Variants in MRPL13 observed in about 807,000 individuals in gnomAD.
The protein encoded by MRPL13 is large ribosomal subunit protein uL13m.
Under a neutral mutation model 29.0 loss-of-function variants are expected in MRPL13, and 33 were observed. That is an observed-to-expected ratio of 1.14 (90% confidence interval 0.86 to 1.52). The LOEUF (loss-of-function observed/expected upper bound fraction) is 1.52. Ranked by LOEUF, MRPL13 falls within the 40% of genes most tolerant of loss-of-function variation. MRPL13 has a pLI of 0.00. For synonymous variants in MRPL13, 77 were observed against 68.4 expected (o/e 1.13, Z -0.62); for missense variants, 227 against 216.7 (o/e 1.05, Z -0.30).
Position 120,424,186 on chromosome 8 carries a change from G to A in MRPL13, c.306+1120C>T, listed in dbSNP as rs375095400. On this transcript the variant is annotated intron_variant, in intron 4 of 6. Coordinates refer to ENST00000306185, the MANE Select transcript of MRPL13 (RefSeq NM_014078.6). The stretch of plus-strand genomic sequence containing the variant: ...TAATGTCAGAACAAATAGACCTCAA[G>A]GTAAAAAGCATTATTGGAGATTAAG... 7.2e-5 allele frequency among the ~76,000 whole-genome samples: 11 copies of A among 152,182 alleles called. No individual in the cohort carries two copies. The South Asian group carries it at 1.2e-3, about 17-fold the overall frequency.
At chr8:120,434,555 C>T (rs1813031521) in intron 2 of MRPL13, among the ~76,000 whole-genome samples, 1 of 151,994 alleles carries the variant, frequency 6.6e-6, no homozygotes, top group South Asian at 2.1e-4. Context: ...AACCAGATGG[C>T]AAAAAGTGGT....
chr8:120,434,444 G>A (rs1813030506), intron 2 of MRPL13, among the ~76,000 whole-genome samples: 1 of 152,004 alleles, frequency 6.6e-6, no homozygotes, highest in Non-Finnish European at 1.5e-5. Context: ...CAGAGTCAGA[G>A]GTTCAACTCA....
intron 5 of MRPL13, 74 bp downstream of exon 5, chr8:120,419,778 T>C (rs1586922581): frequency 8.7e-7 from 1 of 1,155,004 alleles, no homozygotes; most frequent in Non-Finnish European, 1.2e-6. Flanking sequence ...GTCTGTGGCA[T>C]TTATTTAAAA....
At chr8:120,429,921 G>T (rs1439876801) in intron 3 of MRPL13, among the ~76,000 whole-genome samples, 1 of 152,070 alleles carries the variant, frequency 6.6e-6, no homozygotes, top group African/African-American at 2.4e-5. Context: ...AGGGAATAAT[G>T]ACAAGAAAAA....
At chr8:120,441,662 TA>T (rs1173240221) in intron 2 of MRPL13, among the ~76,000 whole-genome samples, 3 of 152,182 alleles carry the variant, frequency 2.0e-5, no homozygotes, top group African/African-American at 7.2e-5. Context: ...TACATAAACC[TA>T]GGTTGCATCC....
At chr8:120,441,549 C>G (rs756843248) in intron 2 of MRPL13, among the ~76,000 whole-genome samples, 8 of 152,004 alleles carry the variant, frequency 5.3e-5, no homozygotes, top group Non-Finnish European at 1.2e-4. Context: ...GAAAGTTCTC[C>G]AGATGAAAAT....
chr8:120,419,666 T>G, intron 5 of MRPL13, 186 bp downstream of exon 5: 1 of 374,204 alleles, frequency 2.7e-6, no homozygotes. Context: ...ATGGTTCATT[T>G]TACATTTTAA....
At chr8:120,418,346 G>A (rs1407692417) in intron 5 of MRPL13, among the ~76,000 whole-genome samples, 1 of 152,068 alleles carries the variant, frequency 6.6e-6, no homozygotes, top group Non-Finnish European at 1.5e-5. Flanking sequence ...TCATGTGCAT[G>A]TGTATCTTGA....
intron 6 of MRPL13, among the ~76,000 whole-genome samples, chr8:120,404,113 C>T (rs1812637730): frequency 6.6e-6 from 1 of 152,108 alleles, no homozygotes; most frequent in Admixed American, 6.5e-5. Context: ...TCAATATACG[C>T]AAAGCAGTTC....
Position 120,445,134 on chromosome 8 carries a change from G to T in MRPL13, c.-40C>A. 1 of 1,613,688 alleles carries T rather than the reference G, an allele frequency of 6.2e-7. No homozygotes were observed. The highest frequency in any genetic ancestry group is 1.3e-5 in the African/African-American group (1 of 74,980). On this transcript the variant is annotated 5_prime_UTR_variant, in exon 1 of 7. Coordinates refer to ENST00000306185, the MANE Select transcript of MRPL13 (RefSeq NM_014078.6). ...AGGACCGTACGTCCTTCTCCTAGTAGCCACGCCGGGTCACTCAGCCTTACT... is the reference window on the plus strand; with the variant it reads ...AGGACCGTACGTCCTTCTCCTAGTATCCACGCCGGGTCACTCAGCCTTACT...
Position 120,416,303 on chromosome 8 carries a change from G to A in MRPL13, c.394-2191C>T, listed in dbSNP as rs574868119. ...AGGTCAGGAGATCGAGACCATCCTG[G>A]CTAACACGGTGAAACCCCGTCTCTA... On this transcript the variant is annotated intron_variant, in intron 5 of 6. Transcript: ENST00000306185. Among the ~76,000 whole-genome samples, 497 of 152,172 alleles carry A rather than the reference G, an allele frequency of 3.3e-3. 2 individuals are homozygous for A. The highest frequency in any genetic ancestry group is 0.011 in the African/African-American group (469 of 41,530).
intron 6 of MRPL13, among the ~76,000 whole-genome samples, chr8:120,404,065 G>A (rs866436633): frequency 2.6e-5 from 4 of 152,056 alleles, no homozygotes; most frequent in African/African-American, 9.7e-5. Context: ...AGCTACACGC[G>A]GCTCCAGAAT....
At position 120,430,622 on chromosome 8, in the gene MRPL13, C is replaced by T. The variant is rs536435938; in HGVS notation, c.245+1408G>A. ...TTTTTAATGGATAAATAGGAGAATT[C>T]CTCACTGTCAGGGGAACAACACATG... On this transcript the variant is annotated intron_variant, in intron 3 of 6. Coordinates refer to ENST00000306185, the MANE Select transcript of MRPL13 (RefSeq NM_014078.6). Among the ~76,000 whole-genome samples, 3 of 152,218 alleles carry T rather than the reference C, an allele frequency of 2.0e-5. No homozygotes were observed. In the East Asian group the frequency reaches 5.8e-4, roughly 29 times the overall value.
chr8:120,421,912 T>C (rs1812878404), intron 4 of MRPL13, among the ~76,000 whole-genome samples: 1 of 151,808 alleles, frequency 6.6e-6, no homozygotes, highest in Admixed American at 6.6e-5. Context: ...AGCTGTGATA[T>C]ATATTATCAG....
intron 4 of MRPL13, among the ~76,000 whole-genome samples, chr8:120,423,657 T>A (rs1038825025): frequency 6.6e-6 from 1 of 152,080 alleles, no homozygotes; most frequent in Non-Finnish European, 1.5e-5. Context: ...CTTTCAAGAA[T>A]GAAAGCACAA....
At chr8:120,433,048 T>C (rs1418891796) in intron 2 of MRPL13, among the ~76,000 whole-genome samples, 1 of 152,092 alleles carries the variant, frequency 6.6e-6, no homozygotes, top group Non-Finnish European at 1.5e-5. Flanking sequence ...CAGACGTTCA[T>C]AGTCTATATA....
chr8:120,432,100 T>C lies in MRPL13; in HGVS notation c.175A>G (p.Ile59Val), dbSNP rs746556207. The C allele has an allele frequency of 1.9e-6, 3 of 1,604,252 alleles. No individual in the cohort carries two copies. The highest frequency in any genetic ancestry group is 2.7e-5 in the African/African-American group (2 of 74,382). Residue 59 changes from isoleucine (I) to valine (V), a missense_variant, in exon 3 of 7, where the codon ATA becomes GTA. Transcript: ENST00000306185. Reference protein sequence around the residue: ...ALSDCGDHVVIMNTRHIAFSG... With the variant: ...ALSDCGDHVVVMNTRHIAFSG... ...AATGCAATGTGTCTTGTGTTCATTA[T>C]AACAACATGATCCCCACAGTCACCT...
rs1306622373 is a variant in MRPL13, at chr8:120,395,608, T to C, written c.*496A>G. On this transcript the variant is annotated 3_prime_UTR_variant, in exon 7 of 7. Coordinates refer to ENST00000306185, the MANE Select transcript of MRPL13 (RefSeq NM_014078.6). ...TATGGGACACAGAAAAAGATAGCAG[T>C]TTATAAATATTTCAGGGCAAACTTT... is the stretch of plus-strand genomic sequence containing the variant. The C allele has an allele frequency of 1.3e-5, 2 of 153,264 alleles. No individual in the cohort carries two copies. Among genetic ancestry groups the C allele is most frequent in the African/African-American group, 4.8e-5 (2 of 41,446 alleles). 9.5% of individuals were successfully genotyped at this position (153,264 alleles called of 1,614,324 possible). A position where few individuals can be genotyped will look rare whatever the true frequency, so the allele number is the denominator to read the frequency against.
intron 4 of MRPL13, among the ~76,000 whole-genome samples, chr8:120,422,457 A>G (rs1415741521): frequency 1.3e-5 from 2 of 151,234 alleles, no homozygotes; most frequent in East Asian, 3.9e-4. Context: ...AACTTCTCCC[A>G]GTATAATACA....
Sources: allele counts gnomAD v4.1 joint callset (sites outside exome capture counted in the v4.1 genomes callset), GRCh38; gene constraint gnomAD v4.1.1; transcripts MANE v1.5; gene names NCBI Gene and HGNC (gene_info 2026-07-23, HGNC 2026-07-21).